The following KHDC4 variants were observed in gnomAD, a reference collection of about 807,000 sequenced individuals.
KHDC4 encodes KH homology domain-containing protein 4.
In KHDC4, 19 loss-of-function variants were observed where a neutral mutation model predicts 74.5. The observed-to-expected ratio is 0.26, with a 90% CI of 0.18 to 0.37. The LOEUF is 0.37. KHDC4 is among the 10% of genes least tolerant of loss of function. KHDC4 has a pLI of 1.00. For missense variants in KHDC4, 632 were observed against 754.1 expected (o/e 0.84, Z 1.90); for synonymous variants, 253 against 266.1 (o/e 0.95, Z 0.48).
chr1:155,922,389 C>T (rs1557968379), intron 8 of KHDC4, among the ~76,000 whole-genome samples: 1 of 152,182 alleles, frequency 6.6e-6, no homozygotes, highest in Non-Finnish European at 1.5e-5. Flanking sequence ...TCATTATCTG[C>T]CCGCCTTGGC....
At chr1:155,930,228 A>T (rs1291510721) in intron 2 of KHDC4, among the ~76,000 whole-genome samples, 1 of 152,210 alleles carries the variant, frequency 6.6e-6, no homozygotes, top group East Asian at 1.9e-4. Flanking sequence ...AAAGCCTTTT[A>T]GTCATCCAAT....
Position 155,914,314 on chromosome 1 carries a change from G to A in KHDC4, c.1652C>T (p.Pro551Leu), listed in dbSNP as rs1673685449. ...CTCTGTAGTTTTCATCTTCTTGGCT[G>A]GATAATCTAGAATAGAGAAAAAACA... ...SGTLTGSHDY[P>L]AKKMKTTEKG... is the part of the protein sequence containing the mutation. Residue 551 changes from proline (P) to leucine (L), a missense_variant, in exon 14 of 14, where the codon CCA becomes CTA. Coordinates refer to ENST00000368321, the MANE Select transcript of KHDC4 (RefSeq NM_014949.4). The A allele has an allele frequency of 1.2e-6, 2 of 1,612,918 alleles. No homozygotes were observed. Among genetic ancestry groups the A allele is most frequent in the South Asian group, 2.2e-5 (2 of 91,044 alleles).
At chr1:155,926,896 G>A (rs2102605518) in intron 5 of KHDC4, 57 bp from the exon 6 acceptor site, 1 of 1,583,602 alleles carries the variant, frequency 6.3e-7, no homozygotes, top group East Asian at 2.2e-5. Context: ...TGCCCAGGCA[G>A]GCCAGTGTTC....
rs1367636052 is a variant in KHDC4 at position 155,914,044 on chromosome 1, C to T, written c.*77G>A. 7.9e-7 allele frequency: 1 copy of T among 1,269,394 alleles called. No homozygotes were observed. The highest frequency in any genetic ancestry group is 1.5e-5 in the African/African-American group (1 of 67,978). The allele number at this position is 1,269,394 out of a possible 1,614,324, so 78.6% of individuals were successfully genotyped here. Reference sequence around the variant, plus strand: ...TCCAGATGGTTCCCAGCACAGGCCCCAGAGTCTTGTTAAATCAAATGCATG... The same window carrying T: ...TCCAGATGGTTCCCAGCACAGGCCCTAGAGTCTTGTTAAATCAAATGCATG... On this transcript the variant is annotated 3_prime_UTR_variant, in exon 14 of 14. Coordinates refer to ENST00000368321, the MANE Select transcript of KHDC4 (RefSeq NM_014949.4).
intron 4 of KHDC4, among the ~76,000 whole-genome samples, chr1:155,927,513 C>A (rs1398749879): frequency 6.6e-6 from 1 of 152,016 alleles, no homozygotes; most frequent in East Asian, 1.9e-4. Context: ...CTATCCAAAT[C>A]AATGGGGCAA....
chr1:155,916,877 C>T (rs1423021645), intron 11 of KHDC4, 140 bp from the exon 12 acceptor site: 7 of 590,442 alleles, frequency 1.2e-5, no homozygotes, highest in Non-Finnish European at 2.1e-5. Flanking sequence ...TTGGGATCTG[C>T]TGTGTAACTG....
intron 7 of KHDC4, among the ~76,000 whole-genome samples, chr1:155,924,579 T>C (rs1396862598): frequency 6.8e-6 from 1 of 147,590 alleles, no homozygotes; most frequent in African/African-American, 2.5e-5. Context: ...TTTCTCTTTT[T>C]TTTTTTTTTT....
At chr1:155,919,197 A>T (rs1673799414) in intron 10 of KHDC4, among the ~76,000 whole-genome samples, 1 of 151,384 alleles carries the variant, frequency 6.6e-6, no homozygotes, top group South Asian at 2.1e-4. Flanking sequence ...TGAACTCCTG[A>T]CCTCAAGTGA....
chr1:155,914,353 C>G (rs762302998), intron 13 of KHDC4, 33 bp from the exon 14 acceptor site: 1 of 1,504,390 alleles, frequency 6.6e-7, no homozygotes. Flanking sequence ...CCAACCCCAT[C>G]CCCGCCAAGG....
At chr1:155,918,541 C>T (rs1572005220) in intron 10 of KHDC4, among the ~76,000 whole-genome samples, 1 of 152,136 alleles carries the variant, frequency 6.6e-6, no homozygotes, top group Admixed American at 6.5e-5. Context: ...TGTACTTATA[C>T]AAACTTAGAT....
At chr1:155,920,489 C>G (rs745357354) in intron 10 of KHDC4, among the ~76,000 whole-genome samples, 22 of 152,052 alleles carry the variant, frequency 1.4e-4, no homozygotes, top group Non-Finnish European at 2.1e-4. Context: ...AGAAACATAC[C>G]AGCATTTATA....
At chr1:155,916,026 G>T in intron 12 of KHDC4, 62 bp from the exon 13 acceptor site, 1 of 1,017,966 alleles carries the variant, frequency 9.8e-7, no homozygotes, top group South Asian at 1.4e-5. Flanking sequence ...CTTATCCAGT[G>T]GATTAGAAGT....
chr1:155,926,901 G>T, intron 5 of KHDC4, 62 bp from the exon 6 acceptor site: 1 of 1,572,062 alleles, frequency 6.4e-7, no homozygotes, highest in Non-Finnish European at 8.8e-7. Context: ...AGGCAGGCCA[G>T]TGTTCAATTA....
chr1:155,915,116 CTCTT>C (rs1311323602), intron 13 of KHDC4: 2 of 147,540 alleles, frequency 1.4e-5, no homozygotes, highest in East Asian at 2.3e-4. Flanking sequence ...AAACTATTTT[CTCTT>C]TCTCTTTCTT....
rs1040939907 is a variant in KHDC4, at chr1:155,921,808, A to T, written c.1012+53T>A. ...CAGTCTAGCCTCAAGTATCATAGTT[A>T]CACATAACTATCACTAGCAAAATAT... On this transcript the variant is annotated intron_variant, in intron 9 of 13. Coordinates refer to ENST00000368321, the MANE Select transcript of KHDC4 (RefSeq NM_014949.4). 5 of 1,449,482 alleles carry T rather than the reference A, an allele frequency of 3.4e-6. No individual in the cohort carries two copies. The Admixed American group carries it at 8.9e-5, about 26-fold the overall frequency. 89.8% of individuals were successfully genotyped at this position (1,449,482 alleles called of 1,614,324 possible). A position where few individuals can be genotyped will look rare whatever the true frequency, so the allele number is the denominator to read the frequency against.
In KHDC4 at chr1:155,933,755, G is replaced by C; in HGVS notation, c.133C>G (p.Pro45Ala). Residue 45 changes from proline to alanine, a missense_variant, in exon 2 of 14, where the codon CCT becomes GCT. Coordinates refer to ENST00000368321, the MANE Select transcript of KHDC4 (RefSeq NM_014949.4). Reference sequence around the variant, plus strand: ...GAAGGAGCAGCTGTGGTGCCCCCAGGACTTCCCCCACTGCTGGTGACCTCC... The same window carrying C: ...GAAGGAGCAGCTGTGGTGCCCCCAGCACTTCCCCCACTGCTGGTGACCTCC... ...GGEVTSSGGS[P>A]GGTTAAPSGA... 7 of 1,604,790 alleles carry C rather than the reference G, an allele frequency of 4.4e-6. No individual in the cohort carries two copies. Among genetic ancestry groups the C allele is most frequent in the South Asian group, 2.2e-5 (2 of 89,806 alleles).
intron 2 of KHDC4, among the ~76,000 whole-genome samples, chr1:155,930,441 T>C (rs1381769663): frequency 6.6e-6 from 1 of 152,170 alleles, no homozygotes; most frequent in African/African-American, 2.4e-5. Flanking sequence ...ATGTGCATTT[T>C]TATGACCACC....
intron 6 of KHDC4, 121 bp downstream of exon 6, chr1:155,926,555 G>T: frequency 1.8e-6 from 2 of 1,093,760 alleles, no homozygotes; most frequent in South Asian, 1.3e-5. Context: ...GACCTCAAAT[G>T]ATCCACCCAC....
At chr1:155,933,955 C>T (rs1557972913) in intron 1 of KHDC4, 106 bp from the exon 2 acceptor site, 1 of 877,464 alleles carries the variant, frequency 1.1e-6, no homozygotes, top group Non-Finnish European at 1.7e-6. Context: ...ATTCCATTTA[C>T]ACCTCCGAAT....
Sources: gnomAD v4.1 joint callset for allele counts (sites outside exome capture counted in the v4.1 genomes callset) on GRCh38, gnomAD v4.1.1 for gene constraint, MANE v1.5 for transcripts, NCBI Gene and HGNC (gene_info 2026-07-23, HGNC 2026-07-21) for gene names.